The following CDK14 variants were observed in gnomAD, a reference collection of about 807,000 sequenced individuals.
CDK14 encodes cyclin dependent kinase 14, also known as cyclin-dependent kinase 14.
A neutral mutation model predicts 60.7 loss-of-function variants in CDK14; 34 were observed. The ratio of observed to expected loss-of-function variants is 0.56; its 90% confidence interval spans 0.43 to 0.75. The LOEUF is 0.75. Ranked by LOEUF, CDK14 falls within the 30% of genes least tolerant of loss-of-function variation. CDK14 has a pLI of 0.00. For synonymous variants in CDK14, 197 were observed against 203.7 expected, an observed-to-expected ratio of 0.97 and a Z score of 0.28; for missense variants, 482 against 564.1, an observed-to-expected ratio of 0.85 and a Z score of 1.47.
At chr7:90,952,623 C>T (rs567279654) in intron 8 of CDK14, among the ~76,000 whole-genome samples, 3 of 152,288 alleles carry the variant, frequency 2.0e-5, no homozygotes, top group East Asian at 3.9e-4. Flanking sequence ...AAAGCAGCAA[C>T]GTGCATATAA....
At chr7:90,670,720 A>G (rs767889214) in intron 2 of CDK14, among the ~76,000 whole-genome samples, 2 of 152,122 alleles carry the variant, frequency 1.3e-5, no homozygotes, top group African/African-American at 2.4e-5. Flanking sequence ...TCATGAGGAC[A>G]GCACCAAAAC....
At chr7:90,828,750 A>G (rs1246768954) in intron 5 of CDK14, among the ~76,000 whole-genome samples, 1 of 152,218 alleles carries the variant, frequency 6.6e-6, no homozygotes, top group Non-Finnish European at 1.5e-5. Context: ...TAAAGAAATT[A>G]TACTCTTTTA....
intron 4 of CDK14, among the ~76,000 whole-genome samples, chr7:90,775,671 C>A (rs1338943888): frequency 1.6e-5 from 2 of 127,166 alleles, no homozygotes; most frequent in African/African-American, 2.9e-5. Flanking sequence ...TTCTCCTCCT[C>A]CTCTTCTCAT....
intron 12 of CDK14, among the ~76,000 whole-genome samples, chr7:91,095,746 A>C (rs1282787271): frequency 6.6e-6 from 1 of 152,082 alleles, no homozygotes; most frequent in Non-Finnish European, 1.5e-5. Flanking sequence ...ATATATACTA[A>C]CATATTACTA....
chr7:91,187,234 C>T (rs922790851), intron 14 of CDK14, among the ~76,000 whole-genome samples: 7 of 152,112 alleles, frequency 4.6e-5, no homozygotes, highest in African/African-American at 7.2e-5. Flanking sequence ...GCTCTCTTTT[C>T]GTATTGCAGT....
intron 2 of CDK14, among the ~76,000 whole-genome samples, chr7:90,718,631 G>GT (rs1382812329): frequency 6.6e-6 from 1 of 152,098 alleles, no homozygotes; most frequent in Non-Finnish European, 1.5e-5. Flanking sequence ...AAACAAAGCT[G>GT]TAAGTAAAAA....
intron 5 of CDK14, among the ~76,000 whole-genome samples, chr7:90,808,572 A>C (rs1028046580): frequency 6.6e-6 from 1 of 152,218 alleles, no homozygotes; most frequent in Admixed American, 6.5e-5. Context: ...CGAGCAAAAT[A>C]ACCAGCTAAC....
intron 4 of CDK14, among the ~76,000 whole-genome samples, chr7:90,770,985 C>T (rs536755113): frequency 5.9e-5 from 9 of 152,288 alleles, no homozygotes; most frequent in Admixed American, 1.3e-4. Flanking sequence ...GAGAGAATCC[C>T]CTCACCCTGA....
chr7:90,886,365 T>G (rs1791946372), intron 6 of CDK14, among the ~76,000 whole-genome samples: 1 of 152,206 alleles, frequency 6.6e-6, no homozygotes. Context: ...TATTGAGAGA[T>G]ATTTTACCCA....
In CDK14 at chr7:90,650,570, C is replaced by T. The variant is rs541525873; in HGVS notation, c.123+46321C>T. On this transcript the variant is annotated intron_variant, in intron 2 of 14. Transcript: ENST00000380050. ...TGAATGGTATTGCCTAGGTTTTCTT[C>T]TAGGGTTTTTATGGTTTTAGGTCTA... is the stretch of plus-strand genomic sequence containing the variant. Among the ~76,000 whole-genome samples, 17 of 152,278 alleles carry T rather than the reference C, an allele frequency of 1.1e-4. No individual in the cohort carries two copies. In the South Asian group the frequency reaches 3.5e-3, roughly 32 times the overall value.
chr7:90,813,069 C>A (rs1381175011), intron 5 of CDK14, among the ~76,000 whole-genome samples: 1 of 152,186 alleles, frequency 6.6e-6, no homozygotes, highest in African/African-American at 2.4e-5. Context: ...ATTTGTACAG[C>A]AGTAAAAAGG....
chr7:90,695,911 C>T (rs1454276087), intron 2 of CDK14, among the ~76,000 whole-genome samples: 1 of 152,118 alleles, frequency 6.6e-6, no homozygotes, highest in Non-Finnish European at 1.5e-5. Context: ...TAGCAATTTA[C>T]TCCAAGTCAG....
intron 11 of CDK14, among the ~76,000 whole-genome samples, chr7:91,049,564 A>G (rs975416769): frequency 2.0e-5 from 3 of 152,212 alleles, no homozygotes; most frequent in African/African-American, 7.2e-5. Context: ...GTGTATGTAC[A>G]AATTCATATA....
At chr7:91,025,011 T>C (rs1796534179) in intron 10 of CDK14, among the ~76,000 whole-genome samples, 1 of 152,138 alleles carries the variant, frequency 6.6e-6, no homozygotes, top group African/African-American at 2.4e-5. Flanking sequence ...TTTGAAGTAA[T>C]TTAGGAATCA....
At position 90,596,556 on chromosome 7, in the gene CDK14, G is replaced by T; in HGVS notation, c.-72G>T. The T allele has an allele frequency of 7.5e-6, 10 of 1,327,016 alleles. No homozygotes were observed. The highest frequency in any genetic ancestry group is 3.2e-6 in the Non-Finnish European group (3 of 936,674). 82.2% of individuals were successfully genotyped at this position (1,327,016 alleles called of 1,614,324 possible). A position where few individuals can be genotyped will look rare whatever the true frequency, so the allele number is the denominator to read the frequency against. On this transcript the variant is annotated 5_prime_UTR_variant, in exon 1 of 15. Coordinates refer to ENST00000380050, the MANE Select transcript of CDK14 (RefSeq NM_001287135.2). ...GAGGAGGCGCCGCTTTCCCCGCGGC[G>T]CGCGCCCTCGCCGTTGTCTGAGCTG... is the stretch of plus-strand genomic sequence containing the variant.
At chr7:90,780,175 C>G (rs1370814337) in intron 4 of CDK14, among the ~76,000 whole-genome samples, 1 of 152,126 alleles carries the variant, frequency 6.6e-6, no homozygotes, top group Non-Finnish European at 1.5e-5. Flanking sequence ...CAAATTCTGT[C>G]TTTCCGTCTT....
chr7:90,854,165 A>G (rs942841969), intron 5 of CDK14, among the ~76,000 whole-genome samples: 1 of 152,214 alleles, frequency 6.6e-6, no homozygotes, highest in African/African-American at 2.4e-5. Context: ...GTGTAAAAGC[A>G]TACAACAATA....
At chr7:90,686,844 A>G (rs1048587101) in intron 2 of CDK14, among the ~76,000 whole-genome samples, 5 of 152,148 alleles carry the variant, frequency 3.3e-5, no homozygotes, top group East Asian at 1.9e-4. Flanking sequence ...AAAAGTTTTC[A>G]TATGTTAAAC....
At chr7:90,619,303 C>T (rs1413778532) in intron 2 of CDK14, among the ~76,000 whole-genome samples, 1 of 152,158 alleles carries the variant, frequency 6.6e-6, no homozygotes, top group Non-Finnish European at 1.5e-5. Flanking sequence ...CTTTTAAGCC[C>T]ATTTCAAATA....
Sources: gnomAD v4.1 joint callset for allele counts (sites outside exome capture counted in the v4.1 genomes callset) on GRCh38, gnomAD v4.1.1 for gene constraint, MANE v1.5 for transcripts, NCBI Gene and HGNC (gene_info 2026-07-23, HGNC 2026-07-21) for gene names.